MAJIN: variants seen among roughly 807,000 people sequenced by gnomAD.
MAJIN encodes the protein membrane-anchored junction protein.
In MAJIN, 27 loss-of-function variants were observed where a neutral mutation model predicts 30.2. The observed-to-expected ratio is 0.89, with a 90% CI of 0.66 to 1.23. MAJIN has a LOEUF of 1.23. Among genes scored for constraint, MAJIN ranks in the 50% most tolerant of loss-of-function variants. The pLI, the probability that MAJIN is intolerant of heterozygous loss-of-function variation, is 0.00. For synonymous variants in MAJIN, 78 were observed against 91.6 expected (o/e 0.85, Z 0.85); for missense variants, 253 against 260.3 (o/e 0.97, Z 0.19).
intron 8 of MAJIN, among the ~76,000 whole-genome samples, chr11:64,942,026 A>G (rs1945386735): frequency 6.6e-6 from 1 of 152,128 alleles, no homozygotes; most frequent in South Asian, 2.1e-4. Context: ...ATTTCTTTGT[A>G]CTCTGAAGAG....
rs1234488043 is a variant in MAJIN at position 64,971,969 on chromosome 11, T to A, written c.-157A>T. ...CTCAGAAAAGTGGCCCCGGACGGAA[T>A]ACCCACTAAGAAGTGCTCTCTGAAA... On this transcript the variant is annotated 5_prime_UTR_variant, in exon 1 of 11. Coordinates refer to ENST00000301896, the MANE Select transcript of MAJIN (RefSeq NM_001037225.3). 8.5e-5 allele frequency: 13 copies of A among 152,200 alleles called. No homozygotes were observed. The allele number at this position is 152,200 out of a possible 1,614,324, so 9.4% of individuals were successfully genotyped here.
In MAJIN at chr11:64,950,417, A is replaced by G; in HGVS notation, c.161T>C (p.Val54Ala). Residue 54 changes from valine to alanine, a missense_variant, in exon 5 of 11, where the codon GTG becomes GCG. Val to Ala is a moderately conservative substitution (Grantham distance 64, BLOSUM62 0). Coordinates refer to ENST00000301896, the MANE Select transcript of MAJIN (RefSeq NM_001037225.3). ...AAGATTGTCCAAGTTTCCCAAGACC[A>G]CGCGGACAGAATCCTGAAAAACATA... ...ITQELEDSVR[V>A]VLGNLDNLQP... 1 of 1,612,846 alleles carries G rather than the reference A, an allele frequency of 6.2e-7. No individual in the cohort carries two copies. The highest frequency in any genetic ancestry group is 8.5e-7 in the Non-Finnish European group (1 of 1,179,236).
intron 9 of MAJIN, 49 bp from the exon 10 acceptor site, chr11:64,939,816 T>C (rs995784107): frequency 2.0e-5 from 32 of 1,565,040 alleles, no homozygotes; most frequent in Non-Finnish European, 2.5e-5. Context: ...CCATAGGCCG[T>C]TTTCATGTGA....
intron 5 of MAJIN, 35 bp downstream of exon 5, chr11:64,950,320 A>C (rs1268299047): frequency 5.7e-6 from 8 of 1,410,590 alleles, no homozygotes; most frequent in African/African-American, 1.7e-5. Context: ...ACAGAGCAAG[A>C]CTCCATCTCA....
In MAJIN at chr11:64,947,690, C is replaced by T. The variant is rs1032135746; in HGVS notation, c.381+98G>A. 2.2e-6 allele frequency: 3 copies of T among 1,362,178 alleles called. No individual in the cohort carries two copies. The African/African-American group carries it at 4.3e-5, about 20-fold the overall frequency. 84.4% of individuals were successfully genotyped at this position (1,362,178 alleles called of 1,614,324 possible). A position where few individuals can be genotyped will look rare whatever the true frequency, so the allele number is the denominator to read the frequency against. ...AATTCTGACTGGACCTGGGCAGCAACTGAGGGCAAAGTAAGGGGAAGAGGC... is the reference window on the plus strand; with the variant it reads ...AATTCTGACTGGACCTGGGCAGCAATTGAGGGCAAAGTAAGGGGAAGAGGC... On this transcript the variant is annotated intron_variant, in intron 7 of 10. Coordinates refer to ENST00000301896, the MANE Select transcript of MAJIN (RefSeq NM_001037225.3).
intron 3 of MAJIN, among the ~76,000 whole-genome samples, chr11:64,958,111 T>C (rs1945664227): frequency 6.6e-6 from 1 of 152,008 alleles, no homozygotes; most frequent in South Asian, 2.1e-4. Context: ...TCAGCTATTT[T>C]TTTTTATTTT....
At chr11:64,940,483 G>T in intron 9 of MAJIN, 91 bp downstream of exon 9, 1 of 1,355,930 alleles carries the variant, frequency 7.4e-7, no homozygotes, top group Non-Finnish European at 1.1e-6. Flanking sequence ...AGGGCACCCA[G>T]ACTCAGCTCT....
In MAJIN at chr11:64,966,145, G is replaced by GAAAAA. The variant is rs58387921; in HGVS notation, c.-65+5727_-65+5731dup. 2.4e-3 allele frequency among the ~76,000 whole-genome samples: 137 copies of GAAAAA among 57,114 alleles called. 18 individuals are homozygous for GAAAAA. The highest frequency in any genetic ancestry group is 8.2e-3 in the African/African-American group (118 of 14,446). 37.5% of individuals were successfully genotyped at this position (57,114 alleles called of 152,430 possible). A position where few individuals can be genotyped will look rare whatever the true frequency, so the allele number is the denominator to read the frequency against. On this transcript the variant is annotated intron_variant, in intron 1 of 10. Transcript: ENST00000301896. ...ACATGTAAGGAAGAAGATTAAAAAT[G>GAAAAA]AAAAAAAAAAAAAAAAAAAAGCAGC...
chr11:64,939,666 G>A lies in MAJIN; in HGVS notation c.648C>T (p.Phe216=). The A allele has an allele frequency of 6.2e-7, 1 of 1,613,834 alleles. No individual in the cohort carries two copies. The highest frequency in any genetic ancestry group is 8.5e-7 in the Non-Finnish European group (1 of 1,179,824). ...GCCGGACAGAAGCTGTCTTACCTTAGAAACCCAAAGAAGCCGGTGGCTGCT... is the reference window on the plus strand; with the variant it reads ...GCCGGACAGAAGCTGTCTTACCTTAAAAACCCAAAGAAGCCGGTGGCTGCT... The part of the protein sequence containing the change: ...RSEQPPASLG[F] Residue 216 remains phenylalanine (F), a synonymous_variant, in exon 10 of 11, where the codon TTC becomes TTT. Transcript: ENST00000301896.
At chr11:64,965,635 T>C (rs1945794348) in intron 1 of MAJIN, among the ~76,000 whole-genome samples, 1 of 152,116 alleles carries the variant, frequency 6.6e-6, no homozygotes, top group Non-Finnish European at 1.5e-5. Flanking sequence ...TGTGGCTTGT[T>C]ACATGAAAAT....
chr11:64,944,651 C>A (rs1945423973), intron 8 of MAJIN, among the ~76,000 whole-genome samples: 2 of 151,632 alleles, frequency 1.3e-5, no homozygotes, highest in African/African-American at 2.4e-5. Flanking sequence ...AGAGTGTGAC[C>A]CTGTCTCAAA....
At chr11:64,955,624 G>T (rs1218961182) in intron 3 of MAJIN, among the ~76,000 whole-genome samples, 2 of 152,182 alleles carry the variant, frequency 1.3e-5, no homozygotes, top group Non-Finnish European at 2.9e-5. Context: ...TCAAGGAAAA[G>T]AACTGACAAT....
chr11:64,946,078 T>A (rs909265067), intron 8 of MAJIN: 9 of 1,531,552 alleles, frequency 5.9e-6, no homozygotes, highest in African/African-American at 1.4e-5. Flanking sequence ...AAGGCTCCAT[T>A]TTAGTACTTA....
At chr11:64,954,543 G>A (rs1235049236) in intron 4 of MAJIN, 2 of 671,248 alleles carry the variant, frequency 3.0e-6, no homozygotes, top group South Asian at 1.5e-5. Flanking sequence ...CAGCCTCAAA[G>A]GTGCTGACAT....
intron 8 of MAJIN, chr11:64,946,291 G>A: frequency 1.1e-6 from 1 of 941,690 alleles, no homozygotes; most frequent in Non-Finnish European, 1.5e-6. Context: ...TAAATTGGGT[G>A]GCCAAATTTT....
intron 10 of MAJIN, 141 bp downstream of exon 10, chr11:64,939,521 C>A: frequency 1.4e-6 from 1 of 711,002 alleles, no homozygotes; most frequent in South Asian, 1.9e-5. Flanking sequence ...TTCTTAATCT[C>A]ATTTCCATCA....
chr11:64,960,669 A>G (rs1301339365), intron 1 of MAJIN, among the ~76,000 whole-genome samples: 1 of 152,230 alleles, frequency 6.6e-6, no homozygotes. Context: ...ATATACACAT[A>G]AAGGACTATT....
chr11:64,967,268 G>A (rs1200826288), intron 1 of MAJIN, among the ~76,000 whole-genome samples: 1 of 151,504 alleles, frequency 6.6e-6, no homozygotes, highest in Admixed American at 6.6e-5. Flanking sequence ...TTAACCGGGC[G>A]TGGTGGTGGC....
intron 1 of MAJIN, among the ~76,000 whole-genome samples, chr11:64,966,145 G>GGAAAAAA (rs757617196): frequency 1.8e-5 from 1 of 57,100 alleles, no homozygotes; most frequent in African/African-American, 6.9e-5. Flanking sequence ...GATTAAAAAT[G>GGAAAAAA]AAAAAAAAAA....
Sources: allele counts gnomAD v4.1 joint callset (sites outside exome capture counted in the v4.1 genomes callset), GRCh38; gene constraint gnomAD v4.1.1; transcripts MANE v1.5; gene names NCBI Gene and HGNC (gene_info 2026-07-23, HGNC 2026-07-21).